ROBO2: variants seen among roughly 807,000 people sequenced by gnomAD.
ROBO2 encodes roundabout homolog 2.
ROBO2 carries 53 observed loss-of-function variants against 160.8 expected under a neutral mutation model. The observed-to-expected ratio is 0.33, with a 90% CI of 0.26 to 0.41. The LOEUF (loss-of-function observed/expected upper bound fraction) is 0.41, where lower values mean the gene tolerates loss of function less well. Ranked by LOEUF, ROBO2 falls within the 10% of genes least tolerant of loss-of-function variation. The pLI is 1.00. For missense variants in ROBO2, 1,577 were observed against 1,722.4 expected (o/e 0.92, Z 1.49); for synonymous variants, 664 against 611.7 (o/e 1.09, Z -1.26).
intron 2 of ROBO2, among the ~76,000 whole-genome samples, chr3:77,427,096 G>T (rs565013382): frequency 6.6e-6 from 1 of 152,246 alleles, no homozygotes; most frequent in African/African-American, 2.4e-5. Context: ...AGGGCATATG[G>T]AATGTGCGGA....
At chr3:75,993,369 A>G (rs2065627917) in intron 2 of ROBO2, among the ~76,000 whole-genome samples, 1 of 152,132 alleles carries the variant, frequency 6.6e-6, no homozygotes, top group African/African-American at 2.4e-5. Context: ...ATTCCCCTGC[A>G]CAAGCCCTCT....
chr3:76,365,624 A>T (rs1370637410), intron 2 of ROBO2, among the ~76,000 whole-genome samples: 1 of 152,054 alleles, frequency 6.6e-6, no homozygotes, highest in Non-Finnish European at 1.5e-5. Context: ...CCTATTGAGA[A>T]ATGCTGATTT....
intron 6 of ROBO2, among the ~76,000 whole-genome samples, chr3:77,539,433 GT>G (rs549110133): frequency 1.1e-4 from 16 of 151,762 alleles, no homozygotes; most frequent in Non-Finnish European, 2.2e-4. Context: ...GAATCGATTA[GT>G]TTTTTTTCAA....
chr3:77,196,628 T>G (rs2082335471), intron 2 of ROBO2, among the ~76,000 whole-genome samples: 5 of 152,102 alleles, frequency 3.3e-5, no homozygotes. Flanking sequence ...CAAGGGCATA[T>G]GTACATGTTA....
rs954904012 is a variant in ROBO2 at position 77,610,768 on chromosome 3, G to T, written c.3293+2814G>T. Among the ~76,000 whole-genome samples, 298 of 56,514 alleles carry T rather than the reference G, an allele frequency of 5.3e-3. 2 individuals carry two copies. Among genetic ancestry groups the T allele is most frequent in the African/African-American group, 0.017 (261 of 15,812 alleles). 37.1% of individuals were successfully genotyped at this position (56,514 alleles called of 152,430 possible). ...AAAAAAAAAAAAAAAAAAAAAAAAAGAAAATAAATATAATACAATGAAAGA... is the reference window on the plus strand; with the variant it reads ...AAAAAAAAAAAAAAAAAAAAAAAAATAAAATAAATATAATACAATGAAAGA... On this transcript the variant is annotated intron_variant, in intron 21 of 25. Coordinates refer to ENST00000461745, the Ensembl canonical transcript of ROBO2.
intron 2 of ROBO2, among the ~76,000 whole-genome samples, chr3:76,313,565 G>T (rs1456898795): frequency 7.9e-5 from 12 of 152,114 alleles, no homozygotes; most frequent in Non-Finnish European, 1.5e-4. Flanking sequence ...GTGGCCAGAG[G>T]CAAAGAGGAT....
chr3:77,296,481 A>T (rs2062138037), intron 2 of ROBO2, among the ~76,000 whole-genome samples: 1 of 152,112 alleles, frequency 6.6e-6, no homozygotes, highest in Admixed American at 6.6e-5. Context: ...GACTTGCCTC[A>T]GATGTTGGTT....
chr3:77,348,120 A>G (rs771459573), intron 2 of ROBO2, among the ~76,000 whole-genome samples: 1 of 152,064 alleles, frequency 6.6e-6, no homozygotes, highest in Non-Finnish European at 1.5e-5. Flanking sequence ...AGATCCCAAG[A>G]GAGGGTTCTT....
intron 2 of ROBO2, among the ~76,000 whole-genome samples, chr3:76,374,408 C>T (rs1259468505): frequency 6.6e-6 from 1 of 151,930 alleles, no homozygotes; most frequent in African/African-American, 2.4e-5. Context: ...TAAATGAAAT[C>T]ACTTACAATT....
chr3:77,368,355 T>C (rs2071238680), intron 2 of ROBO2, among the ~76,000 whole-genome samples: 1 of 152,152 alleles, frequency 6.6e-6, no homozygotes, highest in Non-Finnish European at 1.5e-5. Flanking sequence ...CAAATGTATG[T>C]ATAATAGACT....
chr3:76,406,525 A>G (rs2078134418), intron 2 of ROBO2, among the ~76,000 whole-genome samples: 1 of 151,768 alleles, frequency 6.6e-6, no homozygotes, highest in African/African-American at 2.4e-5. Flanking sequence ...GAATAGGACA[A>G]GAGGGAAGGA....
chr3:76,316,255 C>G (rs1248068469), intron 2 of ROBO2, among the ~76,000 whole-genome samples: 2 of 152,080 alleles, frequency 1.3e-5, no homozygotes, highest in East Asian at 1.9e-4. Flanking sequence ...TGCAGGAGAC[C>G]AGGGCGTATC....
At chr3:77,468,336 G>A (rs150338752) in intron 2 of ROBO2, among the ~76,000 whole-genome samples, 38 of 152,298 alleles carry the variant, frequency 2.5e-4, no homozygotes, top group African/African-American at 8.4e-4. Flanking sequence ...AGAGTCTGCC[G>A]TGGTCAGATG....
At chr3:76,179,605 C>A (rs1451999979) in intron 2 of ROBO2, among the ~76,000 whole-genome samples, 1 of 152,038 alleles carries the variant, frequency 6.6e-6, no homozygotes, top group Admixed American at 6.5e-5. Context: ...CTGTGGCCTG[C>A]AAACTTGGCT....
At chr3:77,438,812 CA>C (rs1223165572) in intron 2 of ROBO2, among the ~76,000 whole-genome samples, 1 of 151,964 alleles carries the variant, frequency 6.6e-6, no homozygotes. Flanking sequence ...AAAGTATATG[CA>C]GAAGAAGAAA....
At chr3:76,710,752 T>A (rs1025090438) in intron 2 of ROBO2, among the ~76,000 whole-genome samples, 1 of 152,172 alleles carries the variant, frequency 6.6e-6, no homozygotes, top group African/African-American at 2.4e-5. Flanking sequence ...AGCAACTTGA[T>A]CGTATTTACA....
intron 2 of ROBO2, among the ~76,000 whole-genome samples, chr3:76,344,555 G>T (rs1187560851): frequency 6.6e-6 from 1 of 152,112 alleles, no homozygotes; most frequent in Admixed American, 6.6e-5. Flanking sequence ...ATTTGTAGTA[G>T]TCTATGTGAA....
chr3:76,390,281 C>A (rs1486693919), intron 2 of ROBO2, among the ~76,000 whole-genome samples: 1 of 151,964 alleles, frequency 6.6e-6, no homozygotes, highest in Non-Finnish European at 1.5e-5. Flanking sequence ...AATACTGAGT[C>A]CCTTTATTAC....
intron 2 of ROBO2, among the ~76,000 whole-genome samples, chr3:77,398,262 G>A (rs946316079): frequency 1.3e-5 from 2 of 152,102 alleles, no homozygotes; most frequent in Non-Finnish European, 2.9e-5. Flanking sequence ...GAGGGAGTGA[G>A]TTAGTTTGGA....
Sources: allele counts gnomAD v4.1 joint callset (sites outside exome capture counted in the v4.1 genomes callset), GRCh38; gene constraint gnomAD v4.1.1; transcripts MANE v1.5; gene names NCBI Gene and HGNC (gene_info 2026-07-23, HGNC 2026-07-21).